CHST7: variants seen among roughly 807,000 people sequenced by gnomAD.
The protein encoded by CHST7 is N-acetylglucosamine 6-O-sulfotransferase 4.
CHST7 carries 5 observed loss-of-function variants against 9.0 expected under a neutral mutation model. The observed-to-expected ratio is 0.56, with a 90% CI of 0.29 to 1.17. The LOEUF (loss-of-function observed/expected upper bound fraction) is 1.17, where lower values mean the gene tolerates loss of function less well. CHST7 is among the 50% of genes most tolerant of loss of function. The pLI is 0.08. For synonymous variants in CHST7, 244 were observed against 237.1 expected (o/e 1.03, Z -0.27); for missense variants, 377 against 485.1 (o/e 0.78, Z 2.09).
intron 1 of CHST7, among the ~76,000 whole-genome samples, chrX:46,577,062 C>T (rs1942502787): frequency 9.0e-6 from 1 of 110,769 alleles, no homozygotes; most frequent in Non-Finnish European, 1.9e-5. Flanking sequence ...GAACTCCTCC[C>T]CTGGGCGGAA....
chrX:46,595,865 C>T (rs1032563672), intron 1 of CHST7, among the ~76,000 whole-genome samples: 32 of 111,518 alleles, frequency 2.9e-4, no homozygotes, highest in African/African-American at 8.8e-4. Context: ...TGGCTGGGCG[C>T]GGTGGCTCAC....
chrX:46,586,442 G>A (rs912043013), intron 1 of CHST7, among the ~76,000 whole-genome samples: 3 of 111,948 alleles, frequency 2.7e-5, no homozygotes, highest in African/African-American at 9.8e-5. Context: ...TCATTTGACT[G>A]ATAACCCCTA....
Position 46,575,409 on chromosome X carries a change from C to G in CHST7, c.*17C>G. On this transcript the variant is annotated 3_prime_UTR_variant, in exon 1 of 2. Coordinates refer to ENST00000276055, the MANE Select transcript of CHST7 (RefSeq NM_019886.4). The stretch of plus-strand genomic sequence containing the variant: ...GCCACGTAGCCTCCCATCCCTGTCC[C>G]CGGCACGGATCCGGGTAAGGTGGCC... The G allele has an allele frequency of 2.0e-6, 2 of 1,024,135 alleles. No homozygotes were observed. Among genetic ancestry groups the G allele is most frequent in the East Asian group, 3.9e-5 (1 of 25,523 alleles). The allele number at this position is 1,024,135 out of a possible 1,213,427, so 84.4% of individuals were successfully genotyped here. A position where few individuals can be genotyped will look rare whatever the true frequency, so the allele number is the denominator to read the frequency against.
intron 1 of CHST7, among the ~76,000 whole-genome samples, chrX:46,577,456 G>C (rs527776644): frequency 9.0e-6 from 1 of 111,287 alleles, no homozygotes; most frequent in Non-Finnish European, 1.9e-5. Context: ...GGAAGATAAC[G>C]TTACTGCCGA....
At position 46,574,229 on chromosome X, in the gene CHST7, G is replaced by A. The variant is rs377001713; in HGVS notation, c.298G>A (p.Glu100Lys). The A allele has an allele frequency of 2.5e-5, 30 of 1,209,123 alleles. No individual in the cohort carries two copies. Among genetic ancestry groups the A allele is most frequent in the African/African-American group, 3.5e-5 (2 of 57,409 alleles). ...CGCTGTCGGGGAGGCAGTGTCTCGC[G>A]AGAAGCAGCACATCTACGTGCATGC... ...SGAVGEAVSR[E>K]KQHIYVHATW... Residue 100 changes from glutamate (E) to lysine (K), a missense_variant, in exon 1 of 2, where the codon GAG becomes AAG. Coordinates refer to ENST00000276055, the MANE Select transcript of CHST7 (RefSeq NM_019886.4).
At chrX:46,585,103 G>C (rs1168393407) in intron 1 of CHST7, among the ~76,000 whole-genome samples, 2 of 110,465 alleles carry the variant, frequency 1.8e-5, no homozygotes, top group Non-Finnish European at 3.8e-5. Context: ...TAAATACACA[G>C]ATTTTAGAAG....
intron 1 of CHST7, among the ~76,000 whole-genome samples, chrX:46,577,816 T>C: frequency 9.0e-6 from 1 of 111,549 alleles, no homozygotes. Flanking sequence ...GCTTTATTAC[T>C]AATATGTCCC....
rs57741167 is a variant in CHST7 at position 46,578,576 on chromosome X, A to AT, written c.*31+3163dup. On this transcript the variant is annotated intron_variant, in intron 1 of 1. Transcript: ENST00000276055. The stretch of plus-strand genomic sequence containing the variant: ...CCACCACTCAATCTCATTAAAAGAA[A>AT]TTTTTTTTTTGCAAAGATTGGGGAT... 4.5e-3 allele frequency among the ~76,000 whole-genome samples: 465 copies of AT among 104,174 alleles called. 7 individuals are homozygous for AT. The highest frequency in any genetic ancestry group is 0.015 in the African/African-American group (428 of 28,299). The allele number at this position is 104,174 out of a possible 115,157, so 90.5% of individuals were successfully genotyped here.
intron 1 of CHST7, among the ~76,000 whole-genome samples, chrX:46,581,999 G>A (rs1038639189): frequency 1.1e-4 from 12 of 112,109 alleles, no homozygotes; most frequent in African/African-American, 3.9e-4. Flanking sequence ...AATGTTTTAC[G>A]CAAATTCCGG....
chrX:46,574,075 G>A lies in CHST7; in HGVS notation c.144G>A (p.Leu48=), dbSNP rs1326233797. 8.6e-7 allele frequency: 1 copy of A among 1,168,636 alleles called. No homozygotes were observed. The highest frequency in any genetic ancestry group is 3.2e-5 in the East Asian group (1 of 31,442). Residue 48 remains leucine (L), a synonymous_variant, in exon 1 of 2, where the codon CTG becomes CTA. Transcript: ENST00000276055. ...GDKGAEHCPG[L]QRSLGVWSLE... is the part of the protein sequence containing the mutation. The stretch of plus-strand genomic sequence containing the variant: ...AGGGCGCCGAGCACTGCCCCGGCCT[G>A]CAGCGCAGCCTGGGAGTGTGGAGCC...
At position 46,574,121 on chromosome X, in the gene CHST7, G is replaced by A. The variant is rs1057072866; in HGVS notation, c.190G>A (p.Glu64Lys). The A allele has an allele frequency of 5.2e-6, 6 of 1,160,438 alleles. No individual in the cohort carries two copies. In the African/African-American group the frequency reaches 5.4e-5, roughly 10 times the overall value. Residue 64 changes from glutamate to lysine, a missense_variant, in exon 1 of 2, where the codon GAA (glutamate) becomes AAA (lysine). Transcript: ENST00000276055. ...VWSLEAAAAG[E>K]REQGAEARAA... ...GAGCCTGGAGGCGGCGGCGGCCGGCGAACGCGAGCAGGGAGCGGAGGCGCG... is the reference window on the plus strand; with the variant it reads ...GAGCCTGGAGGCGGCGGCGGCCGGCAAACGCGAGCAGGGAGCGGAGGCGCG...
intron 1 of CHST7, among the ~76,000 whole-genome samples, chrX:46,580,103 G>T (rs1288350676): frequency 9.5e-6 from 1 of 105,194 alleles, no homozygotes. Context: ...CTGTTGCCAA[G>T]CTGGAGTGCA....
chrX:46,583,926 A>G (rs1389478123), intron 1 of CHST7, among the ~76,000 whole-genome samples: 1 of 111,737 alleles, frequency 8.9e-6, no homozygotes, highest in African/African-American at 3.3e-5. Context: ...TCTATTCTCT[A>G]CCTCCATGGG....
At chrX:46,583,810 T>C (rs1414076991) in intron 1 of CHST7, among the ~76,000 whole-genome samples, 1 of 111,822 alleles carries the variant, frequency 8.9e-6, no homozygotes, top group Non-Finnish European at 1.9e-5. Flanking sequence ...ACTCTGCTAT[T>C]GAACTTAGAA....
chrX:46,585,038 A>G (rs1013059684), intron 1 of CHST7, among the ~76,000 whole-genome samples: 3 of 111,671 alleles, frequency 2.7e-5, no homozygotes, highest in Non-Finnish European at 5.6e-5. Context: ...GCTAAAATCA[A>G]CATAATATTT....
intron 1 of CHST7, among the ~76,000 whole-genome samples, chrX:46,589,528 C>T (rs1400805973): frequency 1.9e-5 from 2 of 104,868 alleles, no homozygotes; most frequent in African/African-American, 3.5e-5. Flanking sequence ...CCAGCCTGGG[C>T]GACAGAGAGA....
chrX:46,592,173 T>C (rs1207652010), intron 1 of CHST7, among the ~76,000 whole-genome samples: 1 of 112,352 alleles, frequency 8.9e-6, no homozygotes, highest in Non-Finnish European at 1.9e-5. Flanking sequence ...ATTGGTCCAT[T>C]TCATCTAAAT....
rs760649108 is a variant in CHST7 at position 46,574,624 on chromosome X, C to T, written c.693C>T (p.Pro231=). 1.7e-6 allele frequency: 2 copies of T among 1,206,783 alleles called. No homozygotes were observed. Among genetic ancestry groups the T allele is most frequent in the Admixed American group, 2.2e-5 (1 of 45,705 alleles). ...EDTACERSCP[P]VAIRALEAEC... ...CCGCCTGCGAGCGCAGCTGCCCACCCGTGGCGATACGCGCCCTGGAGGCCG... is the reference window on the plus strand; with the variant it reads ...CCGCCTGCGAGCGCAGCTGCCCACCTGTGGCGATACGCGCCCTGGAGGCCG... The change falls in exon 1 of 2, where the codon CCC becomes CCT. Residue 231 remains proline, a synonymous_variant. Coordinates refer to ENST00000276055, the MANE Select transcript of CHST7 (RefSeq NM_019886.4).
chrX:46,574,755 A>C lies in CHST7; in HGVS notation c.824A>C (p.Gln275Pro). 8.3e-7 allele frequency: 1 copy of C among 1,208,110 alleles called. No individual in the cohort carries two copies. Among genetic ancestry groups the C allele is most frequent in the East Asian group, 3.0e-5 (1 of 33,626 alleles). Residue 275 changes from glutamine to proline, a missense_variant, in exon 1 of 2, where the codon CAG (glutamine) becomes CCG (proline). Transcript: ENST00000276055. ...CCAGGCCTCAACCTGAAGGTGGTGCAGCTTTTCCGCGACCCGAGGGCGGTG... is the reference window on the plus strand; with the variant it reads ...CCAGGCCTCAACCTGAAGGTGGTGCCGCTTTTCCGCGACCCGAGGGCGGTG... ...RDPGLNLKVV[Q>P]LFRDPRAVHN...
Sources: gnomAD v4.1 joint callset for allele counts (sites outside exome capture counted in the v4.1 genomes callset) on GRCh38, gnomAD v4.1.1 for gene constraint, MANE v1.5 for transcripts, NCBI Gene and HGNC (gene_info 2026-07-23, HGNC 2026-07-21) for gene names.